RNF187: variants seen among roughly 807,000 people sequenced by gnomAD.
The protein encoded by RNF187 is E3 ubiquitin-protein ligase RNF187.
RNF187 carries 18 observed loss-of-function variants against 22.2 expected under a neutral mutation model. That is an observed-to-expected ratio of 0.81 (90% CI 0.56 to 1.20). The LOEUF is 1.20. Among genes scored for constraint, RNF187 ranks in the 50% most tolerant of loss-of-function variants. The probability of loss-of-function intolerance (pLI) is 0.00; values close to 1 mark genes in which losing one functional copy is unlikely to be tolerated. For synonymous variants in RNF187, 164 were observed against 140.9 expected, an observed-to-expected ratio of 1.16 and a Z score of -1.16; for missense variants, 329 against 317.6, an observed-to-expected ratio of 1.04 and a Z score of -0.27.
intron 2 of RNF187, among the ~76,000 whole-genome samples, chr1:228,491,900 T>C: frequency 3.2e-4 from 48 of 152,342 alleles, no homozygotes; most frequent in Middle Eastern, 3.4e-3. Context: ...GAAAGAGTTG[T>C]TTTCACAAGG....
intron 1 of RNF187, among the ~76,000 whole-genome samples, chr1:228,488,755 A>C: frequency 2.6e-5 from 4 of 152,218 alleles, no homozygotes; most frequent in Non-Finnish European, 5.9e-5. Context: ...CCTTAGCCCC[A>C]GCACCCAGAT....
chr1:228,495,600 C>T lies in RNF187; in HGVS notation c.*1715C>T. 2.1e-5 allele frequency: 21 copies of T among 985,420 alleles called. No homozygotes were observed. Among genetic ancestry groups the T allele is most frequent in the East Asian group, 1.1e-4 (1 of 8,816 alleles). The allele number at this position is 985,420 out of a possible 1,614,324, so 61.0% of individuals were successfully genotyped here. Reference sequence around the variant, plus strand: ...GCCCTGCACACCTGTGATGCTTGCCCGGACAGGTCCTGATGGCAGAGTCTC... The same window carrying T: ...GCCCTGCACACCTGTGATGCTTGCCTGGACAGGTCCTGATGGCAGAGTCTC... On this transcript the variant is annotated 3_prime_UTR_variant, in exon 4 of 4. Transcript: ENST00000305943.
chr1:228,488,945 T>A lies in RNF187; in HGVS notation c.391-15T>A. 11,026 of 1,545,054 alleles carry A rather than the reference T, an allele frequency of 7.1e-3. 59 individuals carry two copies. Among genetic ancestry groups the A allele is most frequent in the Middle Eastern group, 0.011 (66 of 5,980 alleles). On this transcript the variant is annotated splice_polypyrimidine_tract_variant and intron_variant, in intron 1 of 3. Coordinates refer to ENST00000305943, the MANE Select transcript of RNF187 (RefSeq NM_001010858.3). ...GAGCTTCTGCCCACCCCTGGTGACCTTCTTTTCTTTACAGGAGAACAAGGG... is the reference window on the plus strand; with the variant it reads ...GAGCTTCTGCCCACCCCTGGTGACCATCTTTTCTTTACAGGAGAACAAGGG...
chr1:228,495,714 T>C lies in RNF187; in HGVS notation c.*1829T>C. The C allele has an allele frequency of 2.0e-6, 2 of 985,622 alleles. No individual in the cohort carries two copies. The highest frequency in any genetic ancestry group is 1.1e-4 in the East Asian group (1 of 8,820). 61.1% of individuals were successfully genotyped at this position (985,622 alleles called of 1,614,324 possible). ...AGCTGACCAGCAACATCCCACCCTG[T>C]CAATCACAACCTCTTTCTATTTAAG... is the stretch of plus-strand genomic sequence containing the variant. On this transcript the variant is annotated 3_prime_UTR_variant, in exon 4 of 4. Transcript: ENST00000305943.
At chr1:228,487,967 C>A in intron 1 of RNF187, 89 bp downstream of exon 1, 1 of 802,324 alleles carries the variant, frequency 1.2e-6, no homozygotes, top group Non-Finnish European at 1.5e-6. Flanking sequence ...CTGGGCCCTT[C>A]CCGTCTCCAC....
Position 228,489,053 on chromosome 1 carries a change from G to A in RNF187, c.483+1G>A. On this transcript the variant is annotated splice_donor_variant, in intron 2 of 3. Transcript: ENST00000305943. LOFTEE classifies it high-confidence loss of function. Reference sequence around the variant, plus strand: ...AGAGTCAGCAGCTGCAGTGTGGAAGGCAAGTGGGGGGACCTGGGGCAGCCT... The same window carrying A: ...AGAGTCAGCAGCTGCAGTGTGGAAGACAAGTGGGGGGACCTGGGGCAGCCT... The A allele has an allele frequency of 6.5e-7, 1 of 1,546,184 alleles. No homozygotes were observed.
In RNF187 at chr1:228,494,130, G is replaced by C; in HGVS notation, c.*245G>C. On this transcript the variant is annotated 3_prime_UTR_variant, in exon 4 of 4. Coordinates refer to ENST00000305943, the MANE Select transcript of RNF187 (RefSeq NM_001010858.3). ...TTCCCACCTGTGCCCGTCCCTTCCT[G>C]AAGTCCTAGCCACAGCCCATCCTCC... 5 of 1,431,556 alleles carry C rather than the reference G, an allele frequency of 3.5e-6. No homozygotes were observed. Among genetic ancestry groups the C allele is most frequent in the Non-Finnish European group, 4.6e-6 (5 of 1,094,004 alleles). The allele number at this position is 1,431,556 out of a possible 1,614,324, so 88.7% of individuals were successfully genotyped here.
Position 228,494,743 on chromosome 1 carries a change from G to C in RNF187, c.*858G>C. 2.3e-4 allele frequency: 227 copies of C among 985,362 alleles called. No individual in the cohort carries two copies. Among genetic ancestry groups the C allele is most frequent in the Non-Finnish European group, 2.7e-4 (222 of 829,976 alleles). The allele number at this position is 985,362 out of a possible 1,614,324, so 61.0% of individuals were successfully genotyped here. A position where few individuals can be genotyped will look rare whatever the true frequency, so the allele number is the denominator to read the frequency against. On this transcript the variant is annotated 3_prime_UTR_variant, in exon 4 of 4. Coordinates refer to ENST00000305943, the MANE Select transcript of RNF187 (RefSeq NM_001010858.3). ...GTTGCCTGCAGCATCCTTGTGTGTAGATAAATTAGTCGACAGAAACTCAGC... is the reference window on the plus strand; with the variant it reads ...GTTGCCTGCAGCATCCTTGTGTGTACATAAATTAGTCGACAGAAACTCAGC...
In RNF187 at chr1:228,494,140, C is replaced by T; in HGVS notation, c.*255C>T. 1.3e-4 allele frequency: 180 copies of T among 1,422,324 alleles called. No homozygotes were observed. The highest frequency in any genetic ancestry group is 1.6e-4 in the Non-Finnish European group (171 of 1,089,854). The allele number at this position is 1,422,324 out of a possible 1,614,324, so 88.1% of individuals were successfully genotyped here. On this transcript the variant is annotated 3_prime_UTR_variant, in exon 4 of 4. Coordinates refer to ENST00000305943, the MANE Select transcript of RNF187 (RefSeq NM_001010858.3). ...TGCCCGTCCCTTCCTGAAGTCCTAG[C>T]CACAGCCCATCCTCCATGAGTCCCG...
chr1:228,488,432 C>G, intron 1 of RNF187: 2 of 155,214 alleles, frequency 1.3e-5, no homozygotes, highest in African/African-American at 2.4e-5. Flanking sequence ...CAGAAACCCG[C>G]TCTGAGAGTC....
chr1:228,494,268 C>T lies in RNF187; in HGVS notation c.*383C>T. The T allele has an allele frequency of 4.2e-6, 5 of 1,201,100 alleles. No homozygotes were observed. The highest frequency in any genetic ancestry group is 5.2e-6 in the Non-Finnish European group (5 of 956,192). 74.4% of individuals were successfully genotyped at this position (1,201,100 alleles called of 1,614,324 possible). ...TCCATGTGGGCCCACAGATCCTTGGCAGGTACCTGAGGTGCACCATTGAGT... is the reference window on the plus strand; with the variant it reads ...TCCATGTGGGCCCACAGATCCTTGGTAGGTACCTGAGGTGCACCATTGAGT... On this transcript the variant is annotated 3_prime_UTR_variant, in exon 4 of 4. Transcript: ENST00000305943.
chr1:228,493,337 C>T lies in RNF187; in HGVS notation c.705+63C>T. 1 of 1,502,686 alleles carries T rather than the reference C, an allele frequency of 6.7e-7. No homozygotes were observed. Among genetic ancestry groups the T allele is most frequent in the African/African-American group, 1.4e-5 (1 of 72,200 alleles). The allele number at this position is 1,502,686 out of a possible 1,614,324, so 93.1% of individuals were successfully genotyped here. On this transcript the variant is annotated intron_variant, in intron 3 of 3. Transcript: ENST00000305943. The surrounding 1 kb of genome is among the most constrained non-coding windows in gnomAD (Gnocchi z 4.7). Reference sequence around the variant, plus strand: ...AGGGTGGACGCAGGCAGCAGCGAGCCATTGGGGGACCATTGCCCGAAGTCA... The same window carrying T: ...AGGGTGGACGCAGGCAGCAGCGAGCTATTGGGGGACCATTGCCCGAAGTCA...
chr1:228,489,817 C>T, intron 2 of RNF187, among the ~76,000 whole-genome samples: 19 of 152,206 alleles, frequency 1.2e-4, no homozygotes, highest in Non-Finnish European at 1.8e-4. Flanking sequence ...GAGTTCCACC[C>T]TCACAACCTC....
At position 228,493,121 on chromosome 1, in the gene RNF187, G is replaced by T; in HGVS notation, c.552G>T (p.Glu184Asp). Residue 184 changes from glutamate (E) to aspartate (D), a missense_variant, in exon 3 of 4, where the codon GAG becomes GAT. By Grantham distance (45) the Glu-to-Asp change is conservative. Transcript: ENST00000305943. The surrounding 1 kb of genome is among the most constrained non-coding windows in gnomAD (Gnocchi z 4.7). The stretch of plus-strand genomic sequence containing the variant: ...AGAAGCTGCGGGCCTTCTTTGTGGA[G>T]GAGGAGGAGCATTTCCTGCAGGAGG... 1 of 1,551,724 alleles carries T rather than the reference G, an allele frequency of 6.4e-7. No homozygotes were observed. Among genetic ancestry groups the T allele is most frequent in the Non-Finnish European group, 8.7e-7 (1 of 1,146,974 alleles).
chr1:228,487,419 C>T lies in RNF187; in HGVS notation c.-70C>T, dbSNP rs1164519695. The T allele has an allele frequency of 2.8e-6, 3 of 1,084,616 alleles. No individual in the cohort carries two copies. Among genetic ancestry groups the T allele is most frequent in the Non-Finnish European group, 2.2e-6 (2 of 895,192 alleles). The allele number at this position is 1,084,616 out of a possible 1,614,324, so 67.2% of individuals were successfully genotyped here. On this transcript the variant is annotated 5_prime_UTR_variant, in exon 1 of 4. Transcript: ENST00000305943. ...GTCCTGTTGCTGGTCTCCGTCCGGT[C>T]GCCGGCCGTCTAGGTCTCCGGCCCT...
In RNF187 at chr1:228,493,357, A is replaced by C; in HGVS notation, c.705+83A>C. 6.7e-7 allele frequency: 1 copy of C among 1,482,524 alleles called. No homozygotes were observed. 91.8% of individuals were successfully genotyped at this position (1,482,524 alleles called of 1,614,324 possible). On this transcript the variant is annotated intron_variant, in intron 3 of 3. Coordinates refer to ENST00000305943, the MANE Select transcript of RNF187 (RefSeq NM_001010858.3). The surrounding 1 kb of genome is among the most constrained non-coding windows in gnomAD (Gnocchi z 4.7). ...CGAGCCATTGGGGGACCATTGCCCG[A>C]AGTCAAGGCTTAAAAGCCCAGCCTG... is the stretch of plus-strand genomic sequence containing the variant.
Position 228,495,607 on chromosome 1 carries a change from G to C in RNF187, c.*1722G>C. On this transcript the variant is annotated 3_prime_UTR_variant, in exon 4 of 4. Coordinates refer to ENST00000305943, the MANE Select transcript of RNF187 (RefSeq NM_001010858.3). The stretch of plus-strand genomic sequence containing the variant: ...ACACCTGTGATGCTTGCCCGGACAG[G>C]TCCTGATGGCAGAGTCTCCCACAAC... The C allele has an allele frequency of 4.1e-6, 4 of 985,556 alleles. No homozygotes were observed. Among genetic ancestry groups the C allele is most frequent in the Non-Finnish European group, 4.8e-6 (4 of 829,958 alleles). 61.1% of individuals were successfully genotyped at this position (985,556 alleles called of 1,614,324 possible). A position where few individuals can be genotyped will look rare whatever the true frequency, so the allele number is the denominator to read the frequency against.
chr1:228,489,394 C>A lies in RNF187; in HGVS notation c.483+342C>A. Among the ~76,000 whole-genome samples the A allele has an allele frequency of 1.6e-3, 242 of 152,044 alleles. 3 individuals are homozygous for A. The highest frequency in any genetic ancestry group is 5.5e-3 in the African/African-American group (229 of 41,452). ...GGCATGATTGTAGCTCACTGCAGCTCGAACTGGCCTCAGGCGATCCTCCCA... is the reference window on the plus strand; with the variant it reads ...GGCATGATTGTAGCTCACTGCAGCTAGAACTGGCCTCAGGCGATCCTCCCA... On this transcript the variant is annotated intron_variant, in intron 2 of 3. Transcript: ENST00000305943.
chr1:228,488,928 G>C, intron 1 of RNF187, 32 bp from the exon 2 acceptor site: 2 of 1,523,226 alleles, frequency 1.3e-6, no homozygotes, highest in South Asian at 1.2e-5. Flanking sequence ...CAGAGCTTCT[G>C]CCCACCCCTG....
Sources: gnomAD v4.1 joint callset for allele counts (sites outside exome capture counted in the v4.1 genomes callset) on GRCh38, gnomAD v4.1.1 for gene constraint, Gnocchi (gnomAD v3.1) non-coding constraint, MANE v1.5 for transcripts, NCBI Gene and HGNC (gene_info 2026-07-23, HGNC 2026-07-21) for gene names.